SLC2A13: variants seen among roughly 807,000 people sequenced by gnomAD.
SLC2A13 encodes the protein solute carrier family 2 member 13, also known as proton myo-inositol cotransporter.
Under a neutral mutation model 64.4 loss-of-function variants are expected in SLC2A13, and 32 were observed. The observed-to-expected ratio is 0.50, with a 90% confidence interval of 0.37 to 0.67. The LOEUF (loss-of-function observed/expected upper bound fraction) is 0.67. SLC2A13 is among the 30% of genes least tolerant of loss of function. The pLI is 0.00. For missense variants in SLC2A13, 743 were observed against 829.2 expected (o/e 0.90, Z 1.28); for synonymous variants, 338 against 327.1 (o/e 1.03, Z -0.36).
intron 7 of SLC2A13, among the ~76,000 whole-genome samples, chr12:39,800,182 A>G (rs1941736197): frequency 6.6e-6 from 1 of 152,184 alleles, no homozygotes; most frequent in African/African-American, 2.4e-5. Flanking sequence ...GCATTTTTGC[A>G]GAAAGGTAAT....
chr12:39,786,423 T>C (rs1298214663), intron 7 of SLC2A13, among the ~76,000 whole-genome samples: 5 of 10,420 alleles, frequency 4.8e-4, no homozygotes, highest in Admixed American at 4.2e-3. Context: ...TCCAGTTAAA[T>C]CTCTTTTTCT....
chr12:40,097,945 C>A (rs1939007597), intron 1 of SLC2A13, among the ~76,000 whole-genome samples: 1 of 151,894 alleles, frequency 6.6e-6, no homozygotes, highest in South Asian at 2.1e-4. Context: ...CAGCATTATC[C>A]ACAACAGCCA....
chr12:39,825,504 TA>T (rs1203364638), intron 7 of SLC2A13, among the ~76,000 whole-genome samples: 3 of 152,296 alleles, frequency 2.0e-5, no homozygotes, highest in African/African-American at 7.2e-5. Flanking sequence ...TTCTCATCTG[TA>T]AGTAGGGTAT....
At chr12:39,875,100 CA>C (rs1944149445) in intron 4 of SLC2A13, among the ~76,000 whole-genome samples, 1 of 152,174 alleles carries the variant, frequency 6.6e-6, no homozygotes, top group African/African-American at 2.4e-5. Flanking sequence ...CAAATTACCA[CA>C]AGGTTAGTGA....
At chr12:40,031,023 A>T (rs1242025626) in intron 2 of SLC2A13, among the ~76,000 whole-genome samples, 1 of 152,250 alleles carries the variant, frequency 6.6e-6, no homozygotes, top group Admixed American at 6.5e-5. Flanking sequence ...TCTAAAAGTA[A>T]AATGAGAAAG....
At chr12:39,812,339 TTTCTTTTCTTTTCTTTTCTTTTC>T (rs1942190138) in intron 7 of SLC2A13, among the ~76,000 whole-genome samples, 2 of 42,800 alleles carry the variant, frequency 4.7e-5, no homozygotes, top group South Asian at 6.7e-4. Flanking sequence ...TAATTTCTTT[TTTCTTTTCTTTTCTTTTCTTTTC>T]TTTTCTTTTC....
At chr12:40,060,543 A>G (rs549042990) in intron 1 of SLC2A13, among the ~76,000 whole-genome samples, 12 of 152,282 alleles carry the variant, frequency 7.9e-5, no homozygotes, top group African/African-American at 2.2e-4. Context: ...AAAGTAGGAA[A>G]CAAGAAATAA....
intron 4 of SLC2A13, among the ~76,000 whole-genome samples, chr12:39,889,789 C>A (rs530292071): frequency 8.5e-5 from 13 of 152,164 alleles, no homozygotes; most frequent in African/African-American, 3.1e-4. Context: ...CTTGGCCTCC[C>A]AAAGTGTTGG....
chr12:39,849,211 G>T (rs1469600738), intron 6 of SLC2A13, among the ~76,000 whole-genome samples: 1 of 152,014 alleles, frequency 6.6e-6, no homozygotes, highest in Non-Finnish European at 1.5e-5. Flanking sequence ...AAAAACAAGT[G>T]GGAAAGAGTC....
chr12:39,777,286 C>T (rs536389929), intron 7 of SLC2A13, among the ~76,000 whole-genome samples: 1 of 152,216 alleles, frequency 6.6e-6, no homozygotes, highest in African/African-American at 2.4e-5. Flanking sequence ...ATAATAGCAA[C>T]AAACTCAGGA....
At chr12:39,888,888 A>G (rs1303563343) in intron 4 of SLC2A13, among the ~76,000 whole-genome samples, 1 of 152,230 alleles carries the variant, frequency 6.6e-6, no homozygotes, top group Non-Finnish European at 1.5e-5. Context: ...TTTATATTTC[A>G]ATAAAAATAA....
chr12:40,037,784 C>A (rs1296092526), intron 2 of SLC2A13, among the ~76,000 whole-genome samples: 1 of 152,052 alleles, frequency 6.6e-6, no homozygotes, highest in Non-Finnish European at 1.5e-5. Context: ...AGCAAATGAC[C>A]ATCCCATCTA....
At chr12:39,905,262 C>T (rs896607253) in intron 4 of SLC2A13, among the ~76,000 whole-genome samples, 1 of 152,058 alleles carries the variant, frequency 6.6e-6, no homozygotes, top group African/African-American at 2.4e-5. Context: ...ACACACCCTG[C>T]ATTCATCATC....
At chr12:39,925,504 G>A (rs999943567) in intron 4 of SLC2A13, among the ~76,000 whole-genome samples, 15 of 152,032 alleles carry the variant, frequency 9.9e-5, no homozygotes, top group African/African-American at 3.6e-4. Flanking sequence ...CAGTTATTCA[G>A]TTGTGCATAT....
intron 7 of SLC2A13, among the ~76,000 whole-genome samples, chr12:39,769,112 G>A (rs374781723): frequency 3.3e-5 from 5 of 152,132 alleles, no homozygotes; most frequent in African/African-American, 1.2e-4. Context: ...AAAAGTTCAT[G>A]CCATTTTATC....
chr12:39,859,438 T>C (rs966310443), intron 6 of SLC2A13, among the ~76,000 whole-genome samples: 1 of 149,798 alleles, frequency 6.7e-6, no homozygotes, highest in Admixed American at 6.7e-5. Context: ...ACTGTCCTGG[T>C]GAGGCTGACC....
At chr12:39,910,047 T>G (rs893025666) in intron 4 of SLC2A13, among the ~76,000 whole-genome samples, 2 of 152,042 alleles carry the variant, frequency 1.3e-5, no homozygotes, top group Admixed American at 1.3e-4. Context: ...TTAGATACAT[T>G]AGTGTTATTT....
intron 2 of SLC2A13, among the ~76,000 whole-genome samples, chr12:40,044,106 T>A (rs1184365929): frequency 6.6e-6 from 1 of 152,162 alleles, no homozygotes; most frequent in Non-Finnish European, 1.5e-5. Flanking sequence ...AACTGATGAA[T>A]AGATAAACAA....
At chr12:39,816,139 T>C (rs1942332876) in intron 7 of SLC2A13, among the ~76,000 whole-genome samples, 1 of 152,202 alleles carries the variant, frequency 6.6e-6, no homozygotes, top group South Asian at 2.1e-4. Flanking sequence ...TGCCTATTCC[T>C]TTTTAAGTTT....
Sources: gnomAD v4.1 joint callset for allele counts (sites outside exome capture counted in the v4.1 genomes callset) on GRCh38, gnomAD v4.1.1 for gene constraint, MANE v1.5 for transcripts, NCBI Gene and HGNC (gene_info 2026-07-23, HGNC 2026-07-21) for gene names.